Variants in VWA8 observed in about 807,000 individuals in gnomAD.
VWA8 encodes the protein von Willebrand factor A domain containing 8.
VWA8 carries 221 observed loss-of-function variants against 241.5 expected under a neutral mutation model. That is an observed-to-expected ratio of 0.91 (90% CI 0.82 to 1.02). The LOEUF is 1.02. Ranked by LOEUF, VWA8 falls within the 50% of genes least tolerant of loss-of-function variation. VWA8 has a pLI of 0.00. For synonymous variants in VWA8, 852 were observed against 827.1 expected (o/e 1.03, Z -0.52); for missense variants, 2,322 against 2,328.7 (o/e 1.00, Z 0.06).
chr13:41,845,410 G>C (rs1872246137), intron 12 of VWA8, among the ~76,000 whole-genome samples: 1 of 152,090 alleles, frequency 6.6e-6, no homozygotes, highest in Non-Finnish European at 1.5e-5. Context: ...GCAGTTTGAA[G>C]ATTTCTCAAA....
chr13:41,762,175 G>C (rs571462692), intron 20 of VWA8, among the ~76,000 whole-genome samples: 81 of 152,202 alleles, frequency 5.3e-4, no homozygotes, highest in African/African-American at 1.9e-3. Flanking sequence ...TGCTCAACTG[G>C]TATGTATACA....
intron 35 of VWA8, among the ~76,000 whole-genome samples, chr13:41,677,409 G>A (rs779081720): frequency 1.2e-4 from 18 of 152,180 alleles, no homozygotes; most frequent in Non-Finnish European, 1.9e-4. Context: ...CACAGAGAGT[G>A]CTTCTGATAC....
intron 37 of VWA8, among the ~76,000 whole-genome samples, chr13:41,639,909 C>A (rs1433231359): frequency 6.6e-6 from 1 of 151,996 alleles, no homozygotes; most frequent in Non-Finnish European, 1.5e-5. Flanking sequence ...CTCACCTGCA[C>A]ATGTACTCCT....
intron 17 of VWA8, among the ~76,000 whole-genome samples, chr13:41,788,073 T>A (rs914474413): frequency 2.0e-5 from 3 of 152,184 alleles, no homozygotes; most frequent in African/African-American, 7.2e-5. Flanking sequence ...AAAACAACCA[T>A]CTAGTGAGTG....
intron 29 of VWA8, among the ~76,000 whole-genome samples, chr13:41,695,071 C>T (rs907110872): frequency 6.6e-6 from 1 of 152,118 alleles, no homozygotes; most frequent in Non-Finnish European, 1.5e-5. Flanking sequence ...AATTTTGCGT[C>T]ACACATGAGT....
At chr13:41,592,713 T>G (rs1366265150) in intron 40 of VWA8, among the ~76,000 whole-genome samples, 3 of 147,274 alleles carry the variant, frequency 2.0e-5, no homozygotes, top group Non-Finnish European at 4.5e-5. Flanking sequence ...TTAAAAGCCC[T>G]TCTCTGTTAA....
At chr13:41,721,603 G>C (rs1296503948) in intron 24 of VWA8, 28 bp from the exon 25 acceptor site, 2 of 1,589,332 alleles carry the variant, frequency 1.3e-6, no homozygotes, top group South Asian at 2.3e-5. Flanking sequence ...TTCACATTCA[G>C]TATGCAACAA....
In VWA8 at chr13:41,691,354, C is replaced by T. The variant is rs1264755870; in HGVS notation, c.3832G>A (p.Asp1278Asn). The T allele has an allele frequency of 4.3e-6, 7 of 1,612,562 alleles. No homozygotes were observed. Among genetic ancestry groups the T allele is most frequent in the Non-Finnish European group, 5.9e-6 (7 of 1,178,960 alleles). ...NLKTVFLVAE[D>N]KWLLVESKTN... ...TTGCTCTCCACCAGAAGCCATTTGTCCTCTGCTACAAGGAAAACTGTCTTG... is the reference window on the plus strand; with the variant it reads ...TTGCTCTCCACCAGAAGCCATTTGTTCTCTGCTACAAGGAAAACTGTCTTG... The change falls in exon 32 of 45, where the codon GAC (aspartate) becomes AAC (asparagine). Residue 1278 changes from aspartate to asparagine, a missense_variant. Transcript: ENST00000379310.
chr13:41,641,167 G>A (rs1001025976), intron 37 of VWA8, among the ~76,000 whole-genome samples: 1 of 152,150 alleles, frequency 6.6e-6, no homozygotes, highest in Non-Finnish European at 1.5e-5. Context: ...GAGGAGGACT[G>A]GCAGGATAGT....
At chr13:41,701,285 C>T in intron 28 of VWA8, 107 bp downstream of exon 28, 6 of 1,303,072 alleles carry the variant, frequency 4.6e-6, no homozygotes, top group Non-Finnish European at 6.1e-6. Flanking sequence ...CCAAGAATGA[C>T]AGACACCAAG....
At chr13:41,714,468 C>A (rs1218725287) in intron 26 of VWA8, among the ~76,000 whole-genome samples, 1 of 151,922 alleles carries the variant, frequency 6.6e-6, no homozygotes, top group Non-Finnish European at 1.5e-5. Flanking sequence ...ATGAAGGTAA[C>A]TTCAGAGGAT....
chr13:41,612,390 T>C (rs1167195915), intron 38 of VWA8, among the ~76,000 whole-genome samples: 1 of 152,204 alleles, frequency 6.6e-6, no homozygotes, highest in Non-Finnish European at 1.5e-5. Flanking sequence ...AGAACAGTCT[T>C]TCAATAGAAA....
intron 12 of VWA8, among the ~76,000 whole-genome samples, chr13:41,863,433 GTATA>G (rs201997688): frequency 0.039 from 2,734 of 69,748 alleles, 108 homozygotes; most frequent in East Asian, 0.13. Flanking sequence ...GTGTGTGTGT[GTATA>G]TATATATATA....
chr13:41,591,759 C>A, intron 40 of VWA8, among the ~76,000 whole-genome samples: 2 of 146,696 alleles, frequency 1.4e-5, no homozygotes, highest in African/African-American at 5.1e-5. Context: ...ATCAAAACCA[C>A]AATGAGATAC....
chr13:41,784,083 G>T (rs1045152479), intron 18 of VWA8, among the ~76,000 whole-genome samples, 182 bp from the exon 19 acceptor site: 1 of 151,554 alleles, frequency 6.6e-6, no homozygotes, highest in Admixed American at 6.6e-5. Context: ...GCTTCAAAAG[G>T]TAACAAATTT....
intron 20 of VWA8, among the ~76,000 whole-genome samples, chr13:41,771,172 G>C: frequency 6.6e-6 from 1 of 152,114 alleles, no homozygotes. Context: ...GCCCAGGCTA[G>C]AGTGCAGTGC....
chr13:41,644,420 T>G (rs1239566509), intron 37 of VWA8, among the ~76,000 whole-genome samples: 2 of 152,224 alleles, frequency 1.3e-5, no homozygotes, highest in African/African-American at 4.8e-5. Context: ...GACATTTCAT[T>G]ATAAAGTCAA....
chr13:41,871,514 T>G (rs541032208), intron 9 of VWA8, among the ~76,000 whole-genome samples: 9 of 152,280 alleles, frequency 5.9e-5, no homozygotes, highest in African/African-American at 9.6e-5. Flanking sequence ...GTCCATGTGT[T>G]CTCATTGTTC....
At chr13:41,731,448 TA>T (rs1306397269) in intron 22 of VWA8, among the ~76,000 whole-genome samples, 5 of 151,562 alleles carry the variant, frequency 3.3e-5, no homozygotes, top group Non-Finnish European at 7.4e-5. Flanking sequence ...TAGTAAACTT[TA>T]AAAAAAAATC....
Sources: gnomAD v4.1 joint callset for allele counts (sites outside exome capture counted in the v4.1 genomes callset) on GRCh38, gnomAD v4.1.1 for gene constraint, MANE v1.5 for transcripts, NCBI Gene and HGNC (gene_info 2026-07-23, HGNC 2026-07-21) for gene names.